Variants in TRAPPC3 observed in about 807,000 individuals in gnomAD.
TRAPPC3 encodes trafficking protein particle complex 3.
TRAPPC3 carries 5 observed loss-of-function variants against 18.2 expected under a neutral mutation model. That is an observed-to-expected ratio of 0.28 (90% CI 0.14 to 0.58). The LOEUF (loss-of-function observed/expected upper bound fraction) is 0.58, where lower values mean the gene tolerates loss of function less well. TRAPPC3 is among the 20% of genes least tolerant of loss of function. The pLI is 0.91. For missense variants in TRAPPC3, 176 were observed against 225.9 expected, an observed-to-expected ratio of 0.78 and a Z score of 1.41; for synonymous variants, 65 against 84.2, an observed-to-expected ratio of 0.77 and a Z score of 1.25.
At chr1:36,147,087 A>G (rs1029842517) in intron 1 of TRAPPC3, among the ~76,000 whole-genome samples, 1 of 152,212 alleles carries the variant, frequency 6.6e-6, no homozygotes, top group Non-Finnish European at 1.5e-5. Context: ...GCAGTGGCTC[A>G]TACCTGTAAT....
chr1:36,137,864 G>C lies in TRAPPC3; in HGVS notation c.355C>G (p.Pro119Ala), dbSNP rs1644048751. The C allele has an allele frequency of 1.9e-6, 3 of 1,614,086 alleles. No homozygotes were observed. The highest frequency in any genetic ancestry group is 1.1e-5 in the South Asian group (1 of 91,096). Residue 119 changes from proline (P) to alanine (A), a missense_variant, in exon 4 of 5, where the codon CCT (proline) becomes GCT (alanine). By Grantham distance (27) the Pro-to-Ala change is conservative. Coordinates refer to ENST00000373166, the MANE Select transcript of TRAPPC3 (RefSeq NM_014408.5). ...NNPLVDFVELPDNHSSLIYSN... is the reference protein window; with the variant it reads ...NNPLVDFVELADNHSSLIYSN... ...TAAATAAGGGATGAGTGGTTATCAG[G>C]AAGTTCCACAAAGTCCACCAAGGGG...
At chr1:36,142,223 A>G (rs1276435596) in intron 1 of TRAPPC3, among the ~76,000 whole-genome samples, 1 of 152,204 alleles carries the variant, frequency 6.6e-6, no homozygotes, top group African/African-American at 2.4e-5. Flanking sequence ...ATAAACAGTC[A>G]GATCAGTGTC....
chr1:36,138,892 C>T (rs1296212237), intron 3 of TRAPPC3, among the ~76,000 whole-genome samples: 5 of 151,544 alleles, frequency 3.3e-5, no homozygotes, highest in Middle Eastern at 6.8e-3. Flanking sequence ...TAAAATTAGC[C>T]GGGCATGGTG....
rs1644059411 is a variant in TRAPPC3, at chr1:36,138,541, T to C, written c.241-563A>G. Among the ~76,000 whole-genome samples the C allele has an allele frequency of 2.6e-5, 4 of 152,222 alleles. No homozygotes were observed. The South Asian group carries it at 8.3e-4, about 32-fold the overall frequency. On this transcript the variant is annotated intron_variant, in intron 3 of 4. Coordinates refer to ENST00000373166, the MANE Select transcript of TRAPPC3 (RefSeq NM_014408.5). ...ACAGAAAGACCAACTTTTAAGTAAC[T>C]GACACCACAAAGTTATGGGTGCTAT...
chr1:36,144,294 A>AT, intron 1 of TRAPPC3, among the ~76,000 whole-genome samples: 1 of 150,382 alleles, frequency 6.6e-6, no homozygotes, highest in African/African-American at 2.5e-5. Flanking sequence ...GTCTCCAAAA[A>AT]AAAAAAAAAA....
chr1:36,152,501 G>A (rs1489255921), upstream of TRAPPC3, among the ~76,000 whole-genome samples: 1 of 151,812 alleles, frequency 6.6e-6, no homozygotes, highest in African/African-American at 2.4e-5. Context: ...GTAGAGACTG[G>A]GTTTCGACAT....
At chr1:36,147,779 A>G (rs7522400) in intron 1 of TRAPPC3, among the ~76,000 whole-genome samples, 120,251 of 152,106 alleles carry the variant, frequency 0.79, 47,893 homozygotes, top group East Asian at 0.91. Flanking sequence ...ACTATCTAGA[A>G]GAAGGGAGTT....
upstream of TRAPPC3, among the ~76,000 whole-genome samples, chr1:36,152,551 C>T (rs1644279040): frequency 1.3e-5 from 2 of 152,292 alleles, no homozygotes; most frequent in African/African-American, 2.4e-5. Flanking sequence ...CTCAGGTCAT[C>T]TGCCCACCTC....
upstream of TRAPPC3, among the ~76,000 whole-genome samples, chr1:36,152,897 C>A (rs1389641990): frequency 6.6e-6 from 1 of 152,192 alleles, no homozygotes; most frequent in Non-Finnish European, 1.5e-5. Flanking sequence ...AGTGATCTAC[C>A]TGCACTGGCC....
chr1:36,153,931 C>CGTG (rs1158728884), upstream of TRAPPC3, among the ~76,000 whole-genome samples: 4 of 152,180 alleles, frequency 2.6e-5, no homozygotes, highest in African/African-American at 9.7e-5. Context: ...AGTCCTCCTA[C>CGTG]GTGGGCTGTC....
chr1:36,154,441 G>A (rs1462812414), upstream of TRAPPC3, among the ~76,000 whole-genome samples: 3 of 152,144 alleles, frequency 2.0e-5, no homozygotes, highest in East Asian at 1.9e-4. Flanking sequence ...CTCCCCATAC[G>A]TGTTCCTGAA....
At chr1:36,149,613 T>C, upstream of TRAPPC3, 1 of 599,290 alleles carries the variant, frequency 1.7e-6, no homozygotes, top group Non-Finnish European at 3.0e-6. Flanking sequence ...GCACCGCCTC[T>C]TAACACAGTC....
chr1:36,141,688 G>T (rs193109979), intron 1 of TRAPPC3, among the ~76,000 whole-genome samples: 3 of 151,346 alleles, frequency 2.0e-5, no homozygotes, highest in South Asian at 2.1e-4. Flanking sequence ...GGCTGGGCGC[G>T]GTGGCTCACG....
intron 1 of TRAPPC3, among the ~76,000 whole-genome samples, chr1:36,148,391 T>A (rs536385182): frequency 2.4e-4 from 37 of 152,260 alleles, no homozygotes; most frequent in African/African-American, 8.9e-4. Flanking sequence ...GGTCAGGAGT[T>A]CGAGACCAGC....
Position 36,149,443 on chromosome 1 carries a change from G to A in TRAPPC3, c.-65C>T, listed in dbSNP as rs548231586. On this transcript the variant is annotated 5_prime_UTR_variant, in exon 1 of 5. Transcript: ENST00000373166. ...AGCTCGGCGACCCCTGCAGACGCCGGAGCCTAAGCCGCTGCCCCTCAGCCC... is the reference window on the plus strand; with the variant it reads ...AGCTCGGCGACCCCTGCAGACGCCGAAGCCTAAGCCGCTGCCCCTCAGCCC... 1.8e-5 allele frequency: 29 copies of A among 1,590,764 alleles called. No homozygotes were observed. In the East Asian group the frequency reaches 5.7e-4, roughly 31 times the overall value.
chr1:36,154,619 C>T (rs758582408), intron 1 of TRAPPC3, among the ~76,000 whole-genome samples: 1 of 152,144 alleles, frequency 6.6e-6, no homozygotes, highest in Non-Finnish European at 1.5e-5. Context: ...GGATCTGCTC[C>T]TCGTCCTTCC....
At chr1:36,140,533 C>T (rs532719586) in intron 1 of TRAPPC3, 8 of 177,034 alleles carry the variant, frequency 4.5e-5, no homozygotes, top group Non-Finnish European at 7.1e-5. Context: ...ACACCTGAAA[C>T]AGACATTTAC....
chr1:36,155,068 G>T (rs182861715), intron 1 of TRAPPC3, among the ~76,000 whole-genome samples: 1 of 152,208 alleles, frequency 6.6e-6, no homozygotes, highest in Non-Finnish European at 1.5e-5. Context: ...TGGAGGGAAG[G>T]GGGGCAAGGG....
intron 1 of TRAPPC3, chr1:36,149,118 G>T: frequency 1.4e-6 from 2 of 1,442,404 alleles, no homozygotes. Context: ...TTAGCACAGA[G>T]CTGCACTCAG....
Sources: allele counts gnomAD v4.1 joint callset (sites outside exome capture counted in the v4.1 genomes callset), GRCh38; gene constraint gnomAD v4.1.1; transcripts MANE v1.5; gene names NCBI Gene and HGNC (gene_info 2026-07-23, HGNC 2026-07-21).